CDH13: variants seen among roughly 807,000 people sequenced by gnomAD.
CDH13 encodes cadherin 13.
CDH13 carries 24 observed loss-of-function variants against 63.8 expected under a neutral mutation model. That is an observed-to-expected ratio of 0.38 (90% confidence interval 0.27 to 0.53). The LOEUF is 0.53. Ranked by LOEUF, CDH13 falls within the 20% of genes least tolerant of loss-of-function variation. The pLI, the probability that CDH13 is intolerant of heterozygous loss-of-function variation, is 0.85. For missense variants in CDH13, 1,049 were observed against 903.1 expected (o/e 1.16, Z -2.07); for synonymous variants, 503 against 355.3 (o/e 1.42, Z -4.67).
intron 5 of CDH13, among the ~76,000 whole-genome samples, chr16:83,234,267 G>C (rs1388295382): frequency 1.3e-5 from 2 of 152,188 alleles, no homozygotes; most frequent in East Asian, 3.9e-4. Flanking sequence ...TTGCGGGGAT[G>C]ATTTTCTTCA....
intron 6 of CDH13, among the ~76,000 whole-genome samples, chr16:83,434,380 T>C (rs981811579): frequency 3.9e-5 from 6 of 152,158 alleles, no homozygotes; most frequent in Non-Finnish European, 1.5e-5. Context: ...ACATGCAAGA[T>C]GACTTCCTCA....
chr16:83,418,482 A>G (rs2071617873), intron 6 of CDH13, among the ~76,000 whole-genome samples: 1 of 152,148 alleles, frequency 6.6e-6, no homozygotes, highest in South Asian at 2.1e-4. Context: ...TTACATTCTC[A>G]TAGGTCAGTA....
intron 3 of CDH13, among the ~76,000 whole-genome samples, chr16:83,112,985 C>A (rs1383683341): frequency 6.6e-6 from 1 of 152,160 alleles, no homozygotes; most frequent in Non-Finnish European, 1.5e-5. Context: ...ATTCTAGGAA[C>A]TGGTGGTGTT....
intron 5 of CDH13, among the ~76,000 whole-genome samples, chr16:83,256,496 C>A (rs1019530023): frequency 1.3e-5 from 2 of 151,830 alleles, no homozygotes; most frequent in African/African-American, 4.8e-5. Context: ...GAAAAAATTT[C>A]CTAGGCACCT....
chr16:83,164,368 G>T (rs2037572563), intron 4 of CDH13, among the ~76,000 whole-genome samples: 1 of 151,834 alleles, frequency 6.6e-6, no homozygotes, highest in South Asian at 2.1e-4. Context: ...ACCACACATG[G>T]TGGAGTTAGG....
chr16:82,940,264 T>C (rs368223503), intron 2 of CDH13, among the ~76,000 whole-genome samples: 2 of 152,320 alleles, frequency 1.3e-5, no homozygotes, highest in South Asian at 2.1e-4. Flanking sequence ...GTCACTTGAA[T>C]ACGTTGCCTT....
chr16:83,486,078 G>T (rs556815813), intron 6 of CDH13, among the ~76,000 whole-genome samples: 1 of 152,136 alleles, frequency 6.6e-6, no homozygotes, highest in African/African-American at 2.4e-5. Flanking sequence ...GGGAGGCGGA[G>T]GTTGCAGTAA....
At chr16:82,712,699 G>C (rs10153170) in intron 1 of CDH13, among the ~76,000 whole-genome samples, 48,332 of 151,990 alleles carry the variant, frequency 0.32, 7,728 homozygotes, top group Middle Eastern at 0.38. Context: ...TGAAGCCGCA[G>C]CTGAGATGGC....
At chr16:83,740,846 G>T (rs758401760) in intron 10 of CDH13, among the ~76,000 whole-genome samples, 1 of 152,200 alleles carries the variant, frequency 6.6e-6, no homozygotes, top group Non-Finnish European at 1.5e-5. Flanking sequence ...AACTCTTCTT[G>T]TCCACATCTG....
chr16:82,697,527 C>G (rs138201077), intron 1 of CDH13, among the ~76,000 whole-genome samples: 37 of 138,224 alleles, frequency 2.7e-4, no homozygotes, highest in African/African-American at 9.5e-4. Flanking sequence ...CCTCCGGGTT[C>G]AAGCAATTCT....
rs145706956 is a variant in CDH13, at chr16:83,256,570, G to A, written c.636+39073G>A. ...CCAGTGGCCAGGCACGGTGGCTCACGCCTGTAATCCCAGCACTTTGGGAGG... is the reference window on the plus strand; with the variant it reads ...CCAGTGGCCAGGCACGGTGGCTCACACCTGTAATCCCAGCACTTTGGGAGG... On this transcript the variant is annotated intron_variant, in intron 5 of 13. Transcript: ENST00000567109. Among the ~76,000 whole-genome samples the A allele has an allele frequency of 4.4e-3, 659 of 151,122 alleles. 7 individuals carry two copies. The highest frequency in any genetic ancestry group is 0.021 in the Middle Eastern group (6 of 292).
intron 5 of CDH13, among the ~76,000 whole-genome samples, chr16:83,274,555 T>G (rs781684376): frequency 5.3e-5 from 8 of 152,180 alleles, no homozygotes; most frequent in Non-Finnish European, 1.2e-4. Flanking sequence ...AAGTAATGTA[T>G]TCCTTCAAGA....
chr16:83,069,161 GAATTA>G (rs1207729733), intron 3 of CDH13, among the ~76,000 whole-genome samples: 3 of 152,064 alleles, frequency 2.0e-5, no homozygotes, highest in Non-Finnish European at 4.4e-5. Context: ...TTTGCATCTT[GAATTA>G]TTTTTGTCAA....
rs370136573 is a variant in CDH13, at chr16:83,689,635, C to T, written c.1538+11174C>T. The stretch of plus-strand genomic sequence containing the variant: ...GAGGCTCTAAACTACAGTCCTCCTA[C>T]AAATGCTTAATTTGGGGATTTCCTC... On this transcript the variant is annotated intron_variant, in intron 10 of 13. Transcript: ENST00000567109. 4.0e-4 allele frequency among the ~76,000 whole-genome samples: 61 copies of T among 152,328 alleles called. 1 individual carries two copies. In the South Asian group the frequency reaches 0.012, roughly 31 times the overall value.
intron 6 of CDH13, among the ~76,000 whole-genome samples, chr16:83,357,176 G>C (rs2091072833): frequency 6.6e-6 from 1 of 152,096 alleles, no homozygotes; most frequent in Non-Finnish European, 1.5e-5. Flanking sequence ...ATCACATCCA[G>C]ACTCCAGAGC....
intron 4 of CDH13, among the ~76,000 whole-genome samples, chr16:83,185,150 G>A (rs530541071): frequency 1.3e-5 from 2 of 152,194 alleles, no homozygotes; most frequent in South Asian, 4.1e-4. Context: ...GCTGGTCGTG[G>A]CAGCACTGAG....
intron 5 of CDH13, among the ~76,000 whole-genome samples, chr16:83,341,280 G>A (rs909186680): frequency 3.3e-5 from 5 of 152,192 alleles, no homozygotes; most frequent in East Asian, 1.9e-4. Context: ...AGGCAAGAAC[G>A]TTATTGAACA....
chr16:83,508,800 CA>C (rs1378056101), intron 7 of CDH13, among the ~76,000 whole-genome samples: 1 of 152,188 alleles, frequency 6.6e-6, no homozygotes, highest in Non-Finnish European at 1.5e-5. Context: ...CTCAAATAGG[CA>C]GAGAGCTAGC....
chr16:83,610,556 C>G (rs11644582), intron 8 of CDH13, among the ~76,000 whole-genome samples: 4 of 152,178 alleles, frequency 2.6e-5, no homozygotes. Context: ...TCACTATAAA[C>G]TAATTTTTTT....
Sources: gnomAD v4.1 joint callset for allele counts (sites outside exome capture counted in the v4.1 genomes callset) on GRCh38, gnomAD v4.1.1 for gene constraint, MANE v1.5 for transcripts, NCBI Gene and HGNC (gene_info 2026-07-23, HGNC 2026-07-21) for gene names.